The following ADAM12 variants were observed in gnomAD, a reference collection of about 807,000 sequenced individuals.
The protein encoded by ADAM12 is disintegrin and metalloproteinase domain-containing protein 12.
In ADAM12, 70 loss-of-function variants were observed where a neutral mutation model predicts 106.4. That is an observed-to-expected ratio of 0.66 (90% CI 0.54 to 0.80). ADAM12 has a LOEUF of 0.80. Among genes scored for constraint, ADAM12 ranks in the 30% least tolerant of loss-of-function variants. ADAM12 has a pLI of 0.00. For missense variants in ADAM12, 1,010 were observed against 1,171.9 expected, an observed-to-expected ratio of 0.86 and a Z score of 2.02; for synonymous variants, 420 against 433.5, an observed-to-expected ratio of 0.97 and a Z score of 0.39.
chr10:126,155,103 G>A (rs1956789168), intron 4 of ADAM12, 124 bp downstream of exon 4: 9 of 1,032,360 alleles, frequency 8.7e-6, no homozygotes, highest in Admixed American at 2.0e-5. Context: ...ACACACCAGC[G>A]CTTCTTGGGG....
intron 2 of ADAM12, among the ~76,000 whole-genome samples, chr10:126,321,926 C>T (rs1854116547): frequency 6.8e-6 from 1 of 148,000 alleles, no homozygotes; most frequent in African/African-American, 2.5e-5. Context: ...CTTCAGCAAC[C>T]TCATGTGCAC....
intron 5 of ADAM12, among the ~76,000 whole-genome samples, chr10:126,123,601 C>T (rs962762479): frequency 1.3e-5 from 2 of 152,152 alleles, no homozygotes; most frequent in Non-Finnish European, 2.9e-5. Flanking sequence ...CTGGGCTGCG[C>T]TCCGTACACT....
chr10:126,251,809 T>TGG (rs1958771908), intron 3 of ADAM12, among the ~76,000 whole-genome samples: 1 of 148,196 alleles, frequency 6.7e-6, no homozygotes, highest in Admixed American at 6.7e-5. Context: ...GATGGATACA[T>TGG]GAATTGATGG....
At chr10:126,245,324 A>T (rs1958607484) in intron 3 of ADAM12, among the ~76,000 whole-genome samples, 1 of 152,216 alleles carries the variant, frequency 6.6e-6, no homozygotes, top group African/African-American at 2.4e-5. Context: ...TCCCCCAGAG[A>T]CGCTGAAGAA....
At chr10:126,051,476 T>C (rs1452492733) in intron 14 of ADAM12, among the ~76,000 whole-genome samples, 1 of 146,414 alleles carries the variant, frequency 6.8e-6, no homozygotes, top group African/African-American at 2.5e-5. Context: ...CATCCATCCG[T>C]CCAGCCAGCC....
intron 3 of ADAM12, among the ~76,000 whole-genome samples, chr10:126,188,237 T>C (rs1957434221): frequency 1.3e-5 from 2 of 152,210 alleles, no homozygotes; most frequent in South Asian, 4.1e-4. Context: ...AGCCTCAAAG[T>C]GGAATCTAAG....
intron 3 of ADAM12, among the ~76,000 whole-genome samples, chr10:126,271,337 A>G (rs772293385): frequency 2.0e-5 from 3 of 152,014 alleles, no homozygotes; most frequent in Non-Finnish European, 2.9e-5. Context: ...CCTACTTAAC[A>G]TTTCTTAACT....
chr10:126,161,464 G>T (rs1022146866), intron 3 of ADAM12, among the ~76,000 whole-genome samples: 2 of 152,214 alleles, frequency 1.3e-5, no homozygotes, highest in African/African-American at 2.4e-5. Context: ...TTACAGGATG[G>T]TCAAGCAATA....
At chr10:126,183,730 C>T (rs187532024) in intron 3 of ADAM12, among the ~76,000 whole-genome samples, 2 of 152,290 alleles carry the variant, frequency 1.3e-5, no homozygotes, top group East Asian at 3.9e-4. Context: ...CCCCAAAGTA[C>T]AACCACAGGA....
At chr10:126,205,718 T>C (rs994596899) in intron 3 of ADAM12, among the ~76,000 whole-genome samples, 17 of 152,266 alleles carry the variant, frequency 1.1e-4, no homozygotes, top group African/African-American at 3.9e-4. Flanking sequence ...ATCTCAAATT[T>C]TGCAGACTTC....
intron 8 of ADAM12, among the ~76,000 whole-genome samples, chr10:126,102,895 C>G (rs1247079949): frequency 1.3e-5 from 2 of 152,136 alleles, no homozygotes; most frequent in Non-Finnish European, 2.9e-5. Flanking sequence ...ATTTTCAGCT[C>G]TATTATATAC....
chr10:126,157,102 C>T (rs2133728688), intron 3 of ADAM12, among the ~76,000 whole-genome samples: 1 of 152,318 alleles, frequency 6.6e-6, no homozygotes, highest in African/African-American at 2.4e-5. Context: ...CACAAATCTT[C>T]CCTACAGCAT....
At chr10:126,275,494 TGAA>T (rs2133746315) in intron 3 of ADAM12, among the ~76,000 whole-genome samples, 1 of 152,334 alleles carries the variant, frequency 6.6e-6, no homozygotes, top group Non-Finnish European at 1.5e-5. Flanking sequence ...CCCTGTGCCA[TGAA>T]GAATCGGTTC....
intron 18 of ADAM12, chr10:126,042,059 T>A: frequency 3.8e-6 from 6 of 1,563,368 alleles, no homozygotes; most frequent in Non-Finnish European, 4.3e-6. Context: ...ATGCTGCCAG[T>A]CACAGGAGGC....
chr10:126,173,862 T>C (rs957760033), intron 3 of ADAM12, among the ~76,000 whole-genome samples: 2 of 151,772 alleles, frequency 1.3e-5, no homozygotes, highest in Non-Finnish European at 2.9e-5. Context: ...ATCGCAGGGG[T>C]CTGGGGGCTA....
At chr10:126,279,993 A>G (rs1386137749) in intron 2 of ADAM12, among the ~76,000 whole-genome samples, 2 of 152,360 alleles carry the variant, frequency 1.3e-5, no homozygotes, top group South Asian at 2.1e-4. Context: ...AAGTTTATAC[A>G]TACTTTTCTA....
At chr10:126,284,482 G>C (rs1959751044) in intron 2 of ADAM12, among the ~76,000 whole-genome samples, 1 of 151,928 alleles carries the variant, frequency 6.6e-6, no homozygotes, top group Non-Finnish European at 1.5e-5. Context: ...GCTTTACTCT[G>C]AGTCCTGATG....
intron 3 of ADAM12, among the ~76,000 whole-genome samples, chr10:126,250,850 C>T (rs1354967109): frequency 6.6e-6 from 1 of 152,210 alleles, no homozygotes; most frequent in Non-Finnish European, 1.5e-5. Context: ...TTTTATTACA[C>T]TCATTTATGT....
intron 8 of ADAM12, among the ~76,000 whole-genome samples, 161 bp from the exon 9 acceptor site, chr10:126,101,402 T>C (rs541061216): frequency 6.6e-6 from 1 of 152,370 alleles, no homozygotes; most frequent in Non-Finnish European, 1.5e-5. Flanking sequence ...TTAAGAAATA[T>C]TTGCAGTGCC....
Sources: allele counts gnomAD v4.1 joint callset (sites outside exome capture counted in the v4.1 genomes callset), GRCh38; gene constraint gnomAD v4.1.1; transcripts MANE v1.5; gene names NCBI Gene and HGNC (gene_info 2026-07-23, HGNC 2026-07-21).